ERBB4: variants seen among roughly 807,000 people sequenced by gnomAD.
ERBB4 encodes the protein receptor tyrosine-protein kinase erbB-4.
Under a neutral mutation model 158.0 loss-of-function variants are expected in ERBB4, and 42 were observed. The ratio of observed to expected loss-of-function variants is 0.27; its 90% confidence interval spans 0.21 to 0.34. ERBB4 has a LOEUF of 0.34. Ranked by LOEUF, ERBB4 falls within the 10% of genes least tolerant of loss-of-function variation. The pLI is 1.00. For synonymous variants in ERBB4, 583 were observed against 558.7 expected (o/e 1.04, Z -0.61); for missense variants, 1,333 against 1,624.1 (o/e 0.82, Z 3.08).
At chr2:212,341,974 G>A (rs907364870) in intron 1 of ERBB4, among the ~76,000 whole-genome samples, 3 of 152,090 alleles carry the variant, frequency 2.0e-5, no homozygotes, top group Non-Finnish European at 4.4e-5. Flanking sequence ...AAAGTGGCTT[G>A]AGGGCTGGAC....
At chr2:211,905,066 T>C (rs893676183) in intron 3 of ERBB4, among the ~76,000 whole-genome samples, 1 of 152,124 alleles carries the variant, frequency 6.6e-6, no homozygotes, top group African/African-American at 2.4e-5. Flanking sequence ...TTACCGCAAA[T>C]TTAATGGCTT....
At chr2:212,088,781 C>A (rs2078689407) in intron 2 of ERBB4, among the ~76,000 whole-genome samples, 1 of 152,070 alleles carries the variant, frequency 6.6e-6, no homozygotes, top group African/African-American at 2.4e-5. Context: ...TGTCTGAATT[C>A]TATTTTAAAT....
At chr2:212,522,167 ACCTGC>A (rs567973672) in intron 1 of ERBB4, among the ~76,000 whole-genome samples, 115 of 152,120 alleles carry the variant, frequency 7.6e-4, no homozygotes, top group African/African-American at 2.6e-3. Flanking sequence ...CTGATCAGCC[ACCTGC>A]ACAAGTGTGG....
rs566289400 is a variant in ERBB4 at position 212,167,570 on chromosome 2, C to A, written c.83-42667G>T. Among the ~76,000 whole-genome samples, 404 of 152,208 alleles carry A rather than the reference C, an allele frequency of 2.7e-3. 2 individuals are homozygous for A. The highest frequency in any genetic ancestry group is 4.6e-3 in the Non-Finnish European group (313 of 68,012). ...ATTTAGAACCAGAAATACCATTTGA[C>A]CCAGCAATCCCATTACTGAGTATAT... On this transcript the variant is annotated intron_variant, in intron 1 of 27. Coordinates refer to ENST00000342788, the MANE Select transcript of ERBB4 (RefSeq NM_005235.3).
intron 2 of ERBB4, among the ~76,000 whole-genome samples, chr2:212,062,970 G>C (rs1431837072): frequency 6.6e-6 from 1 of 152,128 alleles, no homozygotes; most frequent in Non-Finnish European, 1.5e-5. Context: ...AGCTCACTGA[G>C]TTATTGTGAA....
At chr2:212,356,800 C>T (rs1462919242) in intron 1 of ERBB4, among the ~76,000 whole-genome samples, 8 of 151,776 alleles carry the variant, frequency 5.3e-5, no homozygotes, top group Non-Finnish European at 8.8e-5. Flanking sequence ...AGTCAAATTG[C>T]TTGAACATCA....
At chr2:212,416,133 A>G (rs906525140) in intron 1 of ERBB4, among the ~76,000 whole-genome samples, 3 of 152,184 alleles carry the variant, frequency 2.0e-5, no homozygotes, top group African/African-American at 7.2e-5. Context: ...GTGATTGAAG[A>G]GACATGAGAG....
chr2:211,674,885 C>T (rs753343246), intron 13 of ERBB4, among the ~76,000 whole-genome samples: 18 of 152,038 alleles, frequency 1.2e-4, no homozygotes, highest in African/African-American at 2.2e-4. Context: ...ACAAAGGTCA[C>T]GTTTTTCTTA....
At chr2:211,813,844 C>CA (rs1049821893) in intron 3 of ERBB4, among the ~76,000 whole-genome samples, 2 of 151,776 alleles carry the variant, frequency 1.3e-5, no homozygotes, top group Non-Finnish European at 1.5e-5. Context: ...ATTAATTCAT[C>CA]AAAAAAATCA....
intron 3 of ERBB4, among the ~76,000 whole-genome samples, chr2:211,937,587 T>C (rs2080361814): frequency 6.6e-6 from 1 of 152,080 alleles, no homozygotes. Context: ...GGAGGCCTCA[T>C]GAAACTCACA....
chr2:212,274,738 C>T (rs1214694099), intron 1 of ERBB4, among the ~76,000 whole-genome samples: 1 of 151,520 alleles, frequency 6.6e-6, no homozygotes, highest in Admixed American at 6.6e-5. Context: ...CTAGTATCTA[C>T]AATATTTTAT....
intron 2 of ERBB4, among the ~76,000 whole-genome samples, chr2:212,003,188 AGAAAGAAAGAAAGAAAGACAGAAAGAAG>A (rs1559293220): frequency 2.1e-4 from 15 of 73,016 alleles, no homozygotes; most frequent in East Asian, 3.7e-4. Context: ...AAAGAAAGAA[AGAAAGAAAGAAAGAAAGACAGAAAGAAG>A]GAAGGAAGGA....
chr2:211,866,481 G>A (rs551137296), intron 3 of ERBB4, among the ~76,000 whole-genome samples: 11 of 152,086 alleles, frequency 7.2e-5, no homozygotes, highest in African/African-American at 2.7e-4. Flanking sequence ...TATTGTACAA[G>A]TTTATGCATG....
intron 2 of ERBB4, among the ~76,000 whole-genome samples, chr2:212,012,211 A>G (rs2076405130): frequency 1.3e-5 from 2 of 152,068 alleles, no homozygotes; most frequent in South Asian, 4.1e-4. Flanking sequence ...TTTTGATAAC[A>G]TTTTTCTGAT....
At chr2:211,477,602 T>C (rs949551433) in intron 20 of ERBB4, among the ~76,000 whole-genome samples, 3 of 152,104 alleles carry the variant, frequency 2.0e-5, no homozygotes, top group African/African-American at 7.2e-5. Context: ...TCTATGAAAA[T>C]GTATTAAACT....
intron 16 of ERBB4, among the ~76,000 whole-genome samples, chr2:211,649,228 A>T (rs1027542101): frequency 1.3e-5 from 2 of 151,960 alleles, no homozygotes; most frequent in African/African-American, 4.8e-5. Context: ...TTTTTTGTAA[A>T]TTGCTGAATG....
chr2:211,715,946 T>G (rs997100534), intron 7 of ERBB4, among the ~76,000 whole-genome samples: 9 of 152,156 alleles, frequency 5.9e-5, no homozygotes, highest in Non-Finnish European at 8.8e-5. Flanking sequence ...AATAAACAAA[T>G]ATTATAATTA....
intron 4 of ERBB4, among the ~76,000 whole-genome samples, chr2:211,785,148 C>A (rs1028330132): frequency 5.4e-5 from 8 of 149,234 alleles, no homozygotes; most frequent in Non-Finnish European, 1.0e-4. Flanking sequence ...TGTCCCCAGG[C>A]TGGAGTGCAG....
At chr2:212,364,756 A>G (rs1180403038) in intron 1 of ERBB4, among the ~76,000 whole-genome samples, 1 of 151,752 alleles carries the variant, frequency 6.6e-6, no homozygotes, top group Non-Finnish European at 1.5e-5. Flanking sequence ...CCCATCCCCA[A>G]AATACACTAT....
Sources: allele counts gnomAD v4.1 joint callset (sites outside exome capture counted in the v4.1 genomes callset), GRCh38; gene constraint gnomAD v4.1.1; transcripts MANE v1.5; gene names NCBI Gene and HGNC (gene_info 2026-07-23, HGNC 2026-07-21).